The following PHACTR3 variants were observed in gnomAD, a reference collection of about 807,000 sequenced individuals.
PHACTR3 encodes protein phosphatase 1, regulatory subunit 123.
In PHACTR3, 16 loss-of-function variants were observed where a neutral mutation model predicts 66.8. The observed-to-expected ratio is 0.24, with a 90% CI of 0.16 to 0.36. The LOEUF is 0.36. PHACTR3 is among the 10% of genes least tolerant of loss of function. PHACTR3 has a pLI of 1.00. For missense variants in PHACTR3, 647 were observed against 719.9 expected (o/e 0.90, Z 1.16); for synonymous variants, 323 against 292.1 (o/e 1.11, Z -1.08).
At chr20:59,678,298 T>C (rs2146533427) in intron 1 of PHACTR3, among the ~76,000 whole-genome samples, 1 of 152,310 alleles carries the variant, frequency 6.6e-6, no homozygotes, top group South Asian at 2.1e-4. Flanking sequence ...GTGGGGTGAC[T>C]GTTCATATCG....
chr20:59,582,091 A>C (rs2032878841), intron 1 of PHACTR3, among the ~76,000 whole-genome samples: 1 of 152,168 alleles, frequency 6.6e-6, no homozygotes, highest in African/African-American at 2.4e-5. Flanking sequence ...TAAGGCTCAA[A>C]TCCCTCTGGA....
chr20:59,690,101 A>T (rs1196784565), intron 1 of PHACTR3, among the ~76,000 whole-genome samples: 1 of 152,122 alleles, frequency 6.6e-6, no homozygotes, highest in Non-Finnish European at 1.5e-5. Flanking sequence ...TAAAATCAAA[A>T]CAAAACAAAA....
intron 1 of PHACTR3, among the ~76,000 whole-genome samples, chr20:59,620,090 G>A (rs906410553): frequency 1.3e-5 from 2 of 152,144 alleles, no homozygotes; most frequent in Non-Finnish European, 2.9e-5. Flanking sequence ...GTGTTTCCAT[G>A]GTTACTGGTG....
At chr20:59,825,587 A>G (rs560754585) in intron 8 of PHACTR3, among the ~76,000 whole-genome samples, 1 of 152,352 alleles carries the variant, frequency 6.6e-6, no homozygotes, top group South Asian at 2.1e-4. Context: ...AATTCTGGCC[A>G]TGAAGGCCAC....
Position 59,801,405 on chromosome 20 carries a change from A to G in PHACTR3, c.1175-4636A>G, listed in dbSNP as rs115047135. 6.1e-3 allele frequency among the ~76,000 whole-genome samples: 933 copies of G among 152,342 alleles called. 9 individuals carry two copies. The highest frequency in any genetic ancestry group is 0.021 in the African/African-American group (889 of 41,588). On this transcript the variant is annotated intron_variant, in intron 7 of 12. Coordinates refer to ENST00000371015, the MANE Select transcript of PHACTR3 (RefSeq NM_080672.5). ...GTTTGAGGTTTGAGTGAGGAAGACA[A>G]TTCAGTCCATGTTTGTCCACCTTGG...
At chr20:59,843,901 ATAT>A (rs1169717082) in intron 11 of PHACTR3, 10 of 152,108 alleles carry the variant, frequency 6.6e-5, no homozygotes, top group African/African-American at 1.9e-4. Flanking sequence ...ATATGAGAAA[ATAT>A]TAATATCTGC....
At chr20:59,701,408 T>G (rs1251549112) in intron 1 of PHACTR3, among the ~76,000 whole-genome samples, 1 of 152,194 alleles carries the variant, frequency 6.6e-6, no homozygotes, top group African/African-American at 2.4e-5. Context: ...TGACCATCAC[T>G]TTGCCTGGCT....
In PHACTR3 at chr20:59,815,095, G is replaced by T. The variant is rs184345864; in HGVS notation, c.1328+8901G>T. On this transcript the variant is annotated intron_variant, in intron 8 of 12. Coordinates refer to ENST00000371015, the MANE Select transcript of PHACTR3 (RefSeq NM_080672.5). ...GGACTGGGAAGTTCAGGGAACCCTC[G>T]ACTCGAAGAGGGTTCTTGTTAATGA... Among the ~76,000 whole-genome samples the T allele has an allele frequency of 1.8e-3, 273 of 152,206 alleles. 1 individual carries two copies. The highest frequency in any genetic ancestry group is 6.8e-3 in the Middle Eastern group (2 of 294).
At position 59,587,924 on chromosome 20, in the gene PHACTR3, C is replaced by G. The variant is rs79323680; in HGVS notation, c.109+10307C>G. 4.1e-4 allele frequency among the ~76,000 whole-genome samples: 62 copies of G among 152,346 alleles called. No individual in the cohort carries two copies. The East Asian group carries it at 0.011, about 28-fold the overall frequency. ...TCCACCCTGTCCACTCCTGCCTTCC[C>G]CTCTGCTTCCTGAGTGATTCCATGA... On this transcript the variant is annotated intron_variant, in intron 1 of 12. Coordinates refer to the PHACTR3 transcript ENST00000359926.
intron 1 of PHACTR3, among the ~76,000 whole-genome samples, chr20:59,652,135 G>A (rs2035478947): frequency 6.6e-6 from 1 of 152,130 alleles, no homozygotes; most frequent in African/African-American, 2.4e-5. Flanking sequence ...AGGAAAAAAG[G>A]CTGACTTCCT....
chr20:59,737,179 C>T (rs570120487), intron 1 of PHACTR3, among the ~76,000 whole-genome samples: 4 of 152,240 alleles, frequency 2.6e-5, no homozygotes, highest in African/African-American at 9.6e-5. Context: ...CATCATAGCC[C>T]CTGTCCTGTT....
chr20:59,801,687 T>A (rs2041417595), intron 7 of PHACTR3, among the ~76,000 whole-genome samples: 1 of 152,204 alleles, frequency 6.6e-6, no homozygotes. Flanking sequence ...ATGGCAACAA[T>A]GAACAAGGTA....
intron 1 of PHACTR3, among the ~76,000 whole-genome samples, chr20:59,714,941 AG>A: frequency 6.6e-6 from 1 of 152,236 alleles, no homozygotes; most frequent in Admixed American, 6.5e-5. Flanking sequence ...ATGACATTTA[AG>A]TTATCTCGTT....
At position 59,685,498 on chromosome 20, in the gene PHACTR3, T is replaced by A. The variant is rs148350359; in HGVS notation, c.119-57609T>A. On this transcript the variant is annotated intron_variant, in intron 1 of 12. Transcript: ENST00000371015. The stretch of plus-strand genomic sequence containing the variant: ...CCGTCTGGTAGGGTTGTTCTGAAGG[T>A]TGAGATATTCAAATGCTGAGAACAC... Among the ~76,000 whole-genome samples the A allele has an allele frequency of 6.7e-4, 102 of 152,238 alleles. 1 individual carries two copies. The highest frequency in any genetic ancestry group is 1.0e-4 in the Non-Finnish European group (7 of 68,014).
chr20:59,623,058 A>G (rs1337855565), intron 1 of PHACTR3, among the ~76,000 whole-genome samples: 1 of 146,856 alleles, frequency 6.8e-6, no homozygotes, highest in East Asian at 2.0e-4. Context: ...ATAGCTTTCA[A>G]AAACACTCCC....
At chr20:59,816,108 C>T (rs555868066) in intron 8 of PHACTR3, among the ~76,000 whole-genome samples, 11 of 152,024 alleles carry the variant, frequency 7.2e-5, no homozygotes, top group African/African-American at 2.7e-4. Flanking sequence ...AGCTTGTTTT[C>T]CTGCAACTAG....
chr20:59,749,895 A>G (rs1012999735), intron 3 of PHACTR3, among the ~76,000 whole-genome samples: 1 of 152,022 alleles, frequency 6.6e-6, no homozygotes, highest in Non-Finnish European at 1.5e-5. Context: ...TGGTCCCCAC[A>G]TTGTGGTTTG....
chr20:59,800,352 G>A (rs1408527015), intron 7 of PHACTR3, among the ~76,000 whole-genome samples: 1 of 152,172 alleles, frequency 6.6e-6, no homozygotes. Context: ...TGCTGGTGAT[G>A]AAATCTTCCA....
intron 1 of PHACTR3, among the ~76,000 whole-genome samples, chr20:59,644,897 T>G (rs1250399999): frequency 3.3e-5 from 5 of 152,202 alleles, no homozygotes; most frequent in Non-Finnish European, 7.3e-5. Context: ...GAGGTACATG[T>G]GCAGGTTTGT....
Sources: gnomAD v4.1 joint callset for allele counts (sites outside exome capture counted in the v4.1 genomes callset) on GRCh38, gnomAD v4.1.1 for gene constraint, MANE v1.5 for transcripts, NCBI Gene and HGNC (gene_info 2026-07-23, HGNC 2026-07-21) for gene names.